Variants in XRCC4 observed in about 807,000 individuals in gnomAD.
XRCC4 encodes the protein DNA repair protein XRCC4.
Under a neutral mutation model 39.1 loss-of-function variants are expected in XRCC4, and 28 were observed. That is an observed-to-expected ratio of 0.72 (90% CI 0.53 to 0.98). The LOEUF (loss-of-function observed/expected upper bound fraction) is 0.98, where lower values mean the gene tolerates loss of function less well. Ranked by LOEUF, XRCC4 falls within the 50% of genes least tolerant of loss-of-function variation. The probability of loss-of-function intolerance (pLI) is 0.00; values close to 1 mark genes in which losing one functional copy is unlikely to be tolerated. For synonymous variants in XRCC4, 123 were observed against 126.4 expected (o/e 0.97, Z 0.18); for missense variants, 350 against 376.4 (o/e 0.93, Z 0.58).
intron 3 of XRCC4, among the ~76,000 whole-genome samples, chr5:83,192,672 A>G (rs1320766822): frequency 6.6e-6 from 1 of 152,274 alleles, no homozygotes; most frequent in East Asian, 1.9e-4. Flanking sequence ...ATGCAGACAT[A>G]GCTTAAACTC....
Position 83,218,604 on chromosome 5 carries a change from T to TA in XRCC4, c.745+13689dup, listed in dbSNP as rs552743097. 6.5e-3 allele frequency among the ~76,000 whole-genome samples: 996 copies of TA among 152,166 alleles called. 11 individuals are homozygous for TA. Among genetic ancestry groups the TA allele is most frequent in the African/African-American group, 0.023 (951 of 41,528 alleles). On this transcript the variant is annotated intron_variant, in intron 6 of 7. Transcript: ENST00000396027. The stretch of plus-strand genomic sequence containing the variant: ...AACTTGGAGGAATTCTGAAAATGGT[T>TA]AAAAAACGATGTTTTGTTTTGTTTT...
In XRCC4 at chr5:83,164,671, C is replaced by G. The variant is rs10063365; in HGVS notation, c.316-31099C>G. Among the ~76,000 whole-genome samples the G allele has an allele frequency of 4.1e-3, 625 of 152,210 alleles. 2 individuals are homozygous for G. Among genetic ancestry groups the G allele is most frequent in the African/African-American group, 0.011 (477 of 41,562 alleles). On this transcript the variant is annotated intron_variant, in intron 3 of 7. Coordinates refer to ENST00000396027, the MANE Select transcript of XRCC4 (RefSeq NM_003401.5). ...TCACAATGTGTATATGTATCTCAAACATGTTGTACAACTTAAATGTATACA... is the reference window on the plus strand; with the variant it reads ...TCACAATGTGTATATGTATCTCAAAGATGTTGTACAACTTAAATGTATACA...
intron 7 of XRCC4, among the ~76,000 whole-genome samples, chr5:83,264,934 A>G (rs1346294366): frequency 2.0e-5 from 3 of 152,140 alleles, no homozygotes; most frequent in Non-Finnish European, 2.9e-5. Context: ...GGCTATAACA[A>G]TTTGTACCCT....
intron 4 of XRCC4, among the ~76,000 whole-genome samples, chr5:83,199,410 T>C (rs72767187): frequency 0.063 from 9,595 of 152,176 alleles, 483 homozygotes; most frequent in African/African-American, 0.13. Flanking sequence ...TTACCACTGC[T>C]TGCTTTTCCA....
intron 7 of XRCC4, chr5:83,310,868 C>T (rs1246409512): frequency 2.2e-6 from 1 of 456,352 alleles, no homozygotes; most frequent in Non-Finnish European, 4.4e-6. Flanking sequence ...AAGCTGCTGC[C>T]TTTGAATAAG....
rs541502052 is a variant in XRCC4, at chr5:83,342,259, G to A, written c.894-10872G>A. ...ATGAAATTATAACATTTCTGTGTAA[G>A]TGGCCAGCATCCTTGTAGATTCTGG... is the stretch of plus-strand genomic sequence containing the variant. On this transcript the variant is annotated intron_variant, in intron 7 of 7. Transcript: ENST00000396027. 1.6e-4 allele frequency among the ~76,000 whole-genome samples: 25 copies of A among 152,292 alleles called. No individual in the cohort carries two copies. In the South Asian group the frequency reaches 5.0e-3, roughly 30 times the overall value.
chr5:83,237,038 C>G (rs1266094686), intron 6 of XRCC4, among the ~76,000 whole-genome samples: 2 of 151,744 alleles, frequency 1.3e-5, no homozygotes, highest in African/African-American at 2.4e-5. Context: ...AGTTAAAATG[C>G]CTTTTTTCAA....
intron 4 of XRCC4, among the ~76,000 whole-genome samples, chr5:83,202,813 T>C (rs2112725742): frequency 6.6e-6 from 1 of 152,340 alleles, no homozygotes; most frequent in South Asian, 2.1e-4. Context: ...TATTTTGCTT[T>C]CTTTATATAT....
In XRCC4 at chr5:83,082,752, G is replaced by T. The variant is rs533009229; in HGVS notation, c.-11+5137G>T. On this transcript the variant is annotated intron_variant, in intron 1 of 7. Transcript: ENST00000396027. ...GATTTTTTTTTTTTTGAGCCCTTTA[G>T]GTATCATTAGTGTTAGTGTATTTTA... Among the ~76,000 whole-genome samples, 26 of 150,822 alleles carry T rather than the reference G, an allele frequency of 1.7e-4. No individual in the cohort carries two copies. In the East Asian group the frequency reaches 4.9e-3, roughly 28 times the overall value.
rs902022166 is a variant in XRCC4, at chr5:83,310,691, G to A, written c.894-42440G>A. 9 of 427,982 alleles carry A rather than the reference G, an allele frequency of 2.1e-5. 1 individual carries two copies. The highest frequency in any genetic ancestry group is 8.4e-5 in the South Asian group (5 of 59,810). The allele number at this position is 427,982 out of a possible 1,614,324, so 26.5% of individuals were successfully genotyped here. A position where few individuals can be genotyped will look rare whatever the true frequency, so the allele number is the denominator to read the frequency against. On this transcript the variant is annotated intron_variant, in intron 7 of 7. Transcript: ENST00000396027. ...TGAATGTTAGCTTTTACGGTAAAAC[G>A]TATTTTGCAGCTGTGATTAAATTAA... is the stretch of plus-strand genomic sequence containing the variant.
intron 3 of XRCC4, among the ~76,000 whole-genome samples, chr5:83,116,746 T>C (rs1449769727): frequency 6.6e-6 from 1 of 151,160 alleles, no homozygotes; most frequent in African/African-American, 2.4e-5. Context: ...CTCAGTCTCC[T>C]GAGTAGCTGG....
At chr5:83,138,856 C>T (rs7716931) in intron 3 of XRCC4, among the ~76,000 whole-genome samples, 73,565 of 151,778 alleles carry the variant, frequency 0.48, 18,774 homozygotes, top group African/African-American at 0.63. Context: ...TGTTTTCTGG[C>T]TTGTTATAGT....
chr5:83,304,366 G>A (rs1755403764), intron 7 of XRCC4, among the ~76,000 whole-genome samples: 2 of 151,782 alleles, frequency 1.3e-5, no homozygotes, highest in Middle Eastern at 3.2e-3. Context: ...AAAGATCTTC[G>A]TATTCATCAG....
chr5:83,134,896 T>C (rs963981217), intron 3 of XRCC4, among the ~76,000 whole-genome samples: 24 of 152,142 alleles, frequency 1.6e-4, no homozygotes, highest in African/African-American at 5.8e-4. Flanking sequence ...GCTGTGACAC[T>C]GACCGCGAAG....
chr5:83,310,729 C>A (rs1421175725), intron 7 of XRCC4: 11 of 452,536 alleles, frequency 2.4e-5, no homozygotes, highest in Admixed American at 2.2e-4. Context: ...ATCTGAGATG[C>A]AGGGGTTATT....
chr5:83,196,508 AT>A (rs1322882328), intron 4 of XRCC4, among the ~76,000 whole-genome samples: 1 of 151,462 alleles, frequency 6.6e-6, no homozygotes, highest in African/African-American at 2.4e-5. Flanking sequence ...GAAAAAAATA[AT>A]TTTTTTTTAA....
At chr5:83,150,807 A>G (rs919093686) in intron 3 of XRCC4, among the ~76,000 whole-genome samples, 2 of 152,170 alleles carry the variant, frequency 1.3e-5, no homozygotes, top group African/African-American at 4.8e-5. Context: ...CTCCATGATA[A>G]AGATAAATGT....
chr5:83,096,117 A>T, intron 1 of XRCC4, among the ~76,000 whole-genome samples: 1 of 151,342 alleles, frequency 6.6e-6, no homozygotes, highest in East Asian at 2.0e-4. Context: ...TGCCTTGGTG[A>T]CTCAGATATA....
At chr5:83,270,237 TACTC>T (rs1314459059) in intron 7 of XRCC4, among the ~76,000 whole-genome samples, 1 of 152,124 alleles carries the variant, frequency 6.6e-6, no homozygotes, top group African/African-American at 2.4e-5. Flanking sequence ...GAAGCTTACT[TACTC>T]ACCCACCACT....
Sources: gnomAD v4.1 joint callset for allele counts (sites outside exome capture counted in the v4.1 genomes callset) on GRCh38, gnomAD v4.1.1 for gene constraint, MANE v1.5 for transcripts, NCBI Gene and HGNC (gene_info 2026-07-23, HGNC 2026-07-21) for gene names.